The following TSC2 variants were observed in gnomAD, a reference collection of about 807,000 sequenced individuals.
TSC2 encodes tuberin.
A neutral mutation model predicts 202.2 loss-of-function variants in TSC2; 29 were observed. That is an observed-to-expected ratio of 0.14 (90% confidence interval 0.11 to 0.20). TSC2 has a LOEUF of 0.20. Ranked by LOEUF, TSC2 falls within the 10% of genes least tolerant of loss-of-function variation. The pLI, the probability that TSC2 is intolerant of heterozygous loss-of-function variation, is 1.00. For missense variants in TSC2, 2,429 were observed against 2,420.0 expected, an observed-to-expected ratio of 1.00 and a Z score of -0.08; for synonymous variants, 1,349 against 1,044.0, an observed-to-expected ratio of 1.29 and a Z score of -5.63.
Position 2,053,329 on chromosome 16 carries a change from C to T in TSC2, c.226-13C>T, listed in dbSNP as rs886038353. The T allele has an allele frequency of 2.4e-5, 37 of 1,567,990 alleles. No homozygotes were observed. Among genetic ancestry groups the T allele is most frequent in the Non-Finnish European group, 2.9e-5 (33 of 1,157,478 alleles). ...GAGCACATCCTCACCGCTGTCCCCT[C>T]TGCTGGTGACAGCACGCAGTGGAAG... On this transcript the variant is annotated splice_polypyrimidine_tract_variant and intron_variant, in intron 3 of 41. Transcript: ENST00000219476.
intron 1 of TSC2, 49 bp downstream of exon 1, chr16:2,048,114 G>A (rs2084577624): frequency 4.0e-6 from 6 of 1,487,568 alleles, no homozygotes; most frequent in Non-Finnish European, 4.5e-6. Flanking sequence ...CGGGGCAGCG[G>A]CCTAGAGAGG....
In TSC2 at chr16:2,065,352, G is replaced by A. The variant is rs2087184934; in HGVS notation, c.1600-167G>A. ...GGCGTGAACCTGGGAGGCGGAGCTTGTAGTGAGCTGAGATTGTGCCACCGC... is the reference window on the plus strand; with the variant it reads ...GGCGTGAACCTGGGAGGCGGAGCTTATAGTGAGCTGAGATTGTGCCACCGC... On this transcript the variant is annotated intron_variant, in intron 15 of 41. Transcript: ENST00000219476. 6.0e-6 allele frequency: 4 copies of A among 665,214 alleles called. No individual in the cohort carries two copies. The Admixed American group carries it at 6.6e-5, about 11-fold the overall frequency. 41.2% of individuals were successfully genotyped at this position (665,214 alleles called of 1,614,324 possible).
At chr16:2,053,786 TC>T in intron 4 of TSC2, 1 of 533,558 alleles carries the variant, frequency 1.9e-6, no homozygotes, top group South Asian at 1.5e-5. Flanking sequence ...TTGCACCCTT[TC>T]GGGGCCACTC....
chr16:2,064,551 C>A, intron 15 of TSC2, 124 bp downstream of exon 15: 3 of 1,471,504 alleles, frequency 2.0e-6, no homozygotes, highest in Non-Finnish European at 2.8e-6. Flanking sequence ...GTGAGGCTCC[C>A]CTCCCTGCAG....
chr16:2,078,942 C>T (rs761564021), intron 26 of TSC2, 90 bp from the exon 27 acceptor site: 466 of 1,565,216 alleles, frequency 3.0e-4, no homozygotes, highest in Middle Eastern at 3.4e-4. Context: ...GGTCCTCAGC[C>T]GTGCATGCGT....
chr16:2,073,422 G>T (rs1052645025), intron 21 of TSC2, among the ~76,000 whole-genome samples: 3 of 152,228 alleles, frequency 2.0e-5, no homozygotes, highest in Non-Finnish European at 4.4e-5. Context: ...CGTCCCAGTC[G>T]CATTCTTCCA....
chr16:2,059,301 AGCCACCATGCCTG>A (rs1424740814), intron 10 of TSC2, among the ~76,000 whole-genome samples: 2 of 147,474 alleles, frequency 1.4e-5, no homozygotes, highest in Non-Finnish European at 3.0e-5. Flanking sequence ...TACAGGCGTG[AGCCACCATGCCTG>A]GCCAAAGGCT....
rs775914709 is a variant in TSC2, at chr16:2,050,354, C to T, written c.139-46C>T. On this transcript the variant is annotated intron_variant, in intron 2 of 41. Transcript: ENST00000219476. Reference sequence around the variant, plus strand: ...GTTTGTGACTTGCAGTTAAGGAGACCGTGGCCTGAGCACTGGCCCCTTTTT... The same window carrying T: ...GTTTGTGACTTGCAGTTAAGGAGACTGTGGCCTGAGCACTGGCCCCTTTTT... 4.5e-5 allele frequency: 71 copies of T among 1,568,976 alleles called. No individual in the cohort carries two copies. In the Middle Eastern group the frequency reaches 5.0e-4, roughly 11 times the overall value.
chr16:2,061,802 C>G, intron 11 of TSC2, 69 bp from the exon 12 acceptor site: 1 of 1,611,870 alleles, frequency 6.2e-7, no homozygotes, highest in Non-Finnish European at 8.5e-7. Context: ...GGGTGTGTAG[C>G]GAGGCCTCTG....
chr16:2,070,970 A>G (rs1292528216), intron 17 of TSC2, among the ~76,000 whole-genome samples: 3 of 150,838 alleles, frequency 2.0e-5, no homozygotes, highest in African/African-American at 7.4e-5. Context: ...GCAGGGCTGG[A>G]GAGGGCAGAG....
intron 19 of TSC2, 86 bp downstream of exon 19, chr16:2,072,020 T>C (rs2151311654): frequency 6.7e-7 from 1 of 1,493,582 alleles, no homozygotes; most frequent in Non-Finnish European, 8.9e-7. Flanking sequence ...CCTCCCTCCC[T>C]GTCTGGCCTG....
At position 2,076,006 on chromosome 16, in the gene TSC2, T is replaced by G. The variant is rs916389120; in HGVS notation, c.2640-62T>G. 3.1e-6 allele frequency: 5 copies of G among 1,613,054 alleles called. No homozygotes were observed. The African/African-American group carries it at 6.7e-5, about 22-fold the overall frequency. On this transcript the variant is annotated intron_variant, in intron 23 of 41. Transcript: ENST00000219476. ...GCCTGAGCGCCTCGGTTTTTTGCAC[T>G]TCATGCCCTGGGGATGTTTCCCTGC...
At chr16:2,060,956 C>G in intron 11 of TSC2, 143 bp downstream of exon 11, 3 of 1,060,610 alleles carry the variant, frequency 2.8e-6, no homozygotes, top group Non-Finnish European at 4.1e-6. Context: ...TTCGCAGTGG[C>G]GCTCATCCAC....
chr16:2,056,797 G>A (rs137854195), intron 8 of TSC2, 28 bp downstream of exon 8: 2 of 1,603,534 alleles, frequency 1.2e-6, no homozygotes, highest in South Asian at 1.1e-5. Flanking sequence ...GCTCTGGAAG[G>A]TTCCTGAGAG....
chr16:2,053,510 T>C (rs763980514), intron 4 of TSC2, 58 bp downstream of exon 4: 1 of 1,497,174 alleles, frequency 6.7e-7, no homozygotes, highest in South Asian at 1.2e-5. Context: ...GACTGTCCTG[T>C]CCCTGCTGGG....
chr16:2,082,507 A>G lies in TSC2; in HGVS notation c.3883+3A>G, dbSNP rs1366233650. On this transcript the variant is annotated splice_donor_region_variant and intron_variant, in intron 32 of 41. Coordinates refer to ENST00000219476, the MANE Select transcript of TSC2 (RefSeq NM_000548.5). ...GCACAGGAGCGTTTCCTGGGCAGGT[A>G]TCGCCTCTCAGAGGGAAGCGGTTGG... 1 of 1,611,174 alleles carries G rather than the reference A, an allele frequency of 6.2e-7. No individual in the cohort carries two copies. The highest frequency in any genetic ancestry group is 8.5e-7 in the Non-Finnish European group (1 of 1,179,964).
chr16:2,088,687 GCA>G lies in TSC2; in HGVS notation c.*80_*81del. On this transcript the variant is annotated 3_prime_UTR_variant, in exon 42 of 42. Coordinates refer to ENST00000219476, the MANE Select transcript of TSC2 (RefSeq NM_000548.5). ...AAATAAATAAAGTCCTGACCCCAGTGCACAGACATAGAGGCACAGATTGCAGT... is the reference window on the plus strand; with the variant it reads ...AAATAAATAAAGTCCTGACCCCAGTGCAGACATAGAGGCACAGATTGCAGT... 1 of 1,517,198 alleles carries G rather than the reference GCA, an allele frequency of 6.6e-7. No individual in the cohort carries two copies. The highest frequency in any genetic ancestry group is 2.0e-5 in the Admixed American group (1 of 50,934). 94.0% of individuals were successfully genotyped at this position (1,517,198 alleles called of 1,614,324 possible). A position where few individuals can be genotyped will look rare whatever the true frequency, so the allele number is the denominator to read the frequency against.
rs1555516628 is a variant in TSC2, at chr16:2,086,743, A to T, written c.4861A>T (p.Ile1621Phe). The T allele has an allele frequency of 6.2e-7, 1 of 1,610,632 alleles. No homozygotes were observed. Among genetic ancestry groups the T allele is most frequent in the Non-Finnish European group, 8.5e-7 (1 of 1,179,928 alleles). Residue 1621 changes from isoleucine (I) to phenylalanine (F), a missense_variant, in exon 38 of 42, where the codon ATC (isoleucine) becomes TTC (phenylalanine). Transcript: ENST00000219476. ...HDDIMQAVFH[I>F]ATLMPTKDVD... is the part of the protein sequence containing the mutation. ...CTGCTCACCCTCAGCCGTCTTCCAC[A>T]TCGCCACCCTGATGCCCACCAAGGA... is the stretch of plus-strand genomic sequence containing the variant.
intron 22 of TSC2, chr16:2,074,825 C>T (rs1473705647): frequency 2.4e-5 from 7 of 291,126 alleles, no homozygotes; most frequent in Non-Finnish European, 4.7e-5. Flanking sequence ...CTGCTGGGCC[C>T]GCACTTGGTG....
Sources: allele counts gnomAD v4.1 joint callset (sites outside exome capture counted in the v4.1 genomes callset), GRCh38; gene constraint gnomAD v4.1.1; transcripts MANE v1.5; gene names NCBI Gene and HGNC (gene_info 2026-07-23, HGNC 2026-07-21).